KCNAB1: variants seen among roughly 807,000 people sequenced by gnomAD.
The protein encoded by KCNAB1 is potassium voltage-gated channel subfamily A regulatory beta subunit 1, also known as voltage-gated potassium channel subunit beta-1.
KCNAB1 carries 35 observed loss-of-function variants against 64.6 expected under a neutral mutation model. That is an observed-to-expected ratio of 0.54 (90% CI 0.41 to 0.72). The LOEUF is 0.72. KCNAB1 is among the 30% of genes least tolerant of loss of function. The pLI is 0.00. For missense variants in KCNAB1, 401 were observed against 512.9 expected (o/e 0.78, Z 2.11); for synonymous variants, 177 against 183.8 (o/e 0.96, Z 0.30).
At chr3:156,230,566 G>C (rs1333605050) in intron 1 of KCNAB1, among the ~76,000 whole-genome samples, 1 of 151,864 alleles carries the variant, frequency 6.6e-6, no homozygotes, top group Non-Finnish European at 1.5e-5. Context: ...AGTGACACTG[G>C]GTATAAAACA....
chr3:156,530,286 C>T (rs768070769), intron 12 of KCNAB1, among the ~76,000 whole-genome samples: 3 of 152,064 alleles, frequency 2.0e-5, no homozygotes, highest in Non-Finnish European at 4.4e-5. Context: ...GGACAGAAAC[C>T]GCACACATCC....
intron 2 of KCNAB1, among the ~76,000 whole-genome samples, chr3:156,450,026 A>T (rs1711877109): frequency 6.6e-6 from 1 of 152,234 alleles, no homozygotes; most frequent in African/African-American, 2.4e-5. Context: ...CATTAAGCAA[A>T]TGTTGACCTG....
chr3:156,527,232 A>C (rs962093252), intron 12 of KCNAB1, among the ~76,000 whole-genome samples: 1 of 152,250 alleles, frequency 6.6e-6, no homozygotes, highest in Non-Finnish European at 1.5e-5. Flanking sequence ...CTATTTGACC[A>C]CAGGCAAGTT....
chr3:156,218,801 A>AAAAAAAAAAAT (rs371264941), intron 1 of KCNAB1, among the ~76,000 whole-genome samples: 6 of 112,244 alleles, frequency 5.3e-5, no homozygotes, highest in East Asian at 5.6e-4. Context: ...AAAAAAAAAA[A>AAAAAAAAAAAT]AATAATAATA....
rs542792374 is a variant in KCNAB1 at position 156,213,059 on chromosome 3, T to C, written c.275+92173T>C. On this transcript the variant is annotated intron_variant, in intron 1 of 13. Transcript: ENST00000490337. ...TGGAAGCAGGGAGATCTGGGCCAGA[T>C]GGAACAGCTCGCTTAGTAACTAACA... Among the ~76,000 whole-genome samples the C allele has an allele frequency of 6.8e-4, 104 of 152,118 alleles. 1 individual carries two copies. Among genetic ancestry groups the C allele is most frequent in the Non-Finnish European group, 1.1e-3 (73 of 68,010 alleles).
intron 1 of KCNAB1, among the ~76,000 whole-genome samples, chr3:156,391,773 C>T (rs1158600991): frequency 6.6e-6 from 1 of 152,170 alleles, no homozygotes; most frequent in Non-Finnish European, 1.5e-5. Flanking sequence ...GAAAGTAGAG[C>T]AATCCCAACT....
chr3:156,213,494 A>G (rs1322293689), intron 1 of KCNAB1, among the ~76,000 whole-genome samples: 1 of 152,186 alleles, frequency 6.6e-6, no homozygotes, highest in Non-Finnish European at 1.5e-5. Flanking sequence ...GATTACAGGA[A>G]TGAGCCACCT....
At chr3:156,438,521 C>T (rs1716750361) in intron 2 of KCNAB1, among the ~76,000 whole-genome samples, 1 of 152,112 alleles carries the variant, frequency 6.6e-6, no homozygotes, top group Admixed American at 6.6e-5. Flanking sequence ...ATTCCAATGT[C>T]GACTGTGGCT....
chr3:156,162,600 C>T (rs1474719664), intron 1 of KCNAB1, among the ~76,000 whole-genome samples: 1 of 152,194 alleles, frequency 6.6e-6, no homozygotes, highest in African/African-American at 2.4e-5. Context: ...TTCCTAACAT[C>T]TCTCATAGAC....
At chr3:156,303,593 A>G (rs1336456549) in intron 1 of KCNAB1, among the ~76,000 whole-genome samples, 2 of 152,166 alleles carry the variant, frequency 1.3e-5, no homozygotes, top group Admixed American at 6.5e-5. Context: ...TAATGGAGGA[A>G]GTCATTCTAA....
At chr3:156,260,726 G>A (rs1044691277) in intron 1 of KCNAB1, among the ~76,000 whole-genome samples, 4 of 152,144 alleles carry the variant, frequency 2.6e-5, no homozygotes, top group Non-Finnish European at 4.4e-5. Flanking sequence ...TGACATTCAT[G>A]TATATGTCTT....
chr3:156,265,615 AT>A (rs573450605), intron 1 of KCNAB1, among the ~76,000 whole-genome samples: 6 of 152,288 alleles, frequency 3.9e-5, no homozygotes, highest in Admixed American at 3.9e-4. Context: ...ATTTATGGGA[AT>A]TCTTCTATTT....
intron 8 of KCNAB1, among the ~76,000 whole-genome samples, chr3:156,485,561 G>A (rs979699689): frequency 2.0e-5 from 3 of 151,928 alleles, no homozygotes; most frequent in Non-Finnish European, 2.9e-5. Flanking sequence ...GAATCCTGCA[G>A]TACATTTAAT....
In KCNAB1 at chr3:156,153,963, A is replaced by G. The variant is rs529121219; in HGVS notation, c.275+33077A>G. ...TCAGTCAATCCCTATCTATCCATTTATCTATGAATTTATCCATCTCCTGTT... is the reference window on the plus strand; with the variant it reads ...TCAGTCAATCCCTATCTATCCATTTGTCTATGAATTTATCCATCTCCTGTT... On this transcript the variant is annotated intron_variant, in intron 1 of 13. Transcript: ENST00000490337. Among the ~76,000 whole-genome samples, 15 of 152,340 alleles carry G rather than the reference A, an allele frequency of 9.8e-5. No homozygotes were observed. The South Asian group carries it at 3.1e-3, about 32-fold the overall frequency.
At chr3:156,326,719 T>A (rs551243656) in intron 1 of KCNAB1, among the ~76,000 whole-genome samples, 1 of 152,246 alleles carries the variant, frequency 6.6e-6, no homozygotes, top group East Asian at 1.9e-4. Context: ...CTCACAGCAT[T>A]TGGCATGGCT....
intron 1 of KCNAB1, among the ~76,000 whole-genome samples, chr3:156,125,251 T>A (rs1203686067): frequency 6.6e-6 from 1 of 152,184 alleles, no homozygotes; most frequent in African/African-American, 2.4e-5. Flanking sequence ...TAACCCATAC[T>A]GTACACGGTG....
At chr3:156,152,801 G>A (rs1398158334) in intron 1 of KCNAB1, among the ~76,000 whole-genome samples, 4 of 152,146 alleles carry the variant, frequency 2.6e-5, no homozygotes, top group African/African-American at 4.8e-5. Flanking sequence ...AGCTAGTTAC[G>A]GTTTCAAAAC....
upstream of KCNAB1, among the ~76,000 whole-genome samples, chr3:156,118,795 A>G (rs1713189110): frequency 1.3e-5 from 2 of 152,190 alleles, no homozygotes; most frequent in South Asian, 4.1e-4. Flanking sequence ...CCCCATTGAA[A>G]CATCTCCAAG....
intron 2 of KCNAB1, among the ~76,000 whole-genome samples, chr3:156,443,166 T>C (rs1053807531): frequency 2.6e-5 from 4 of 152,172 alleles, no homozygotes; most frequent in Admixed American, 2.6e-4. Flanking sequence ...AAGCACCACA[T>C]GCATTAGCTA....
Sources: allele counts gnomAD v4.1 joint callset (sites outside exome capture counted in the v4.1 genomes callset), GRCh38; gene constraint gnomAD v4.1.1; transcripts MANE v1.5; gene names NCBI Gene and HGNC (gene_info 2026-07-23, HGNC 2026-07-21).